B3GALT1: variants seen among roughly 807,000 people sequenced by gnomAD.
B3GALT1 encodes the protein UDP-Gal:betaGlcNAc beta 1,3-galactosyltransferase, polypeptide 1.
B3GALT1 carries 10 observed loss-of-function variants against 23.2 expected under a neutral mutation model. The observed-to-expected ratio is 0.43, with a 90% confidence interval of 0.27 to 0.73. The LOEUF is 0.73. Among genes scored for constraint, B3GALT1 ranks in the 30% least tolerant of loss-of-function variants. B3GALT1 has a pLI of 0.21. For missense variants in B3GALT1, 299 were observed against 405.4 expected, an observed-to-expected ratio of 0.74 and a Z score of 2.25; for synonymous variants, 156 against 141.5, an observed-to-expected ratio of 1.10 and a Z score of -0.73.
intron 3 of B3GALT1, among the ~76,000 whole-genome samples, chr2:167,667,694 A>G (rs867778339): frequency 3.7e-4 from 57 of 152,202 alleles, no homozygotes; most frequent in African/African-American, 1.2e-3. Flanking sequence ...GCTTCATTTC[A>G]TTCATTTCAT....
intron 3 of B3GALT1, among the ~76,000 whole-genome samples, chr2:167,685,059 C>T (rs1323957255): frequency 6.6e-6 from 1 of 152,142 alleles, no homozygotes; most frequent in African/African-American, 2.4e-5. Flanking sequence ...TCAGATTGTA[C>T]AAGAGTCTAA....
At chr2:167,340,313 G>GAAA (rs773710953) in intron 1 of B3GALT1, among the ~76,000 whole-genome samples, 1 of 87,364 alleles carries the variant, frequency 1.1e-5, no homozygotes, top group African/African-American at 4.3e-5. Context: ...GGTACAGGGA[G>GAAA]AAAAAAAAAA....
intron 3 of B3GALT1, among the ~76,000 whole-genome samples, chr2:167,690,829 G>A (rs4667963): frequency 0.22 from 33,219 of 151,946 alleles, 4,332 homozygotes; most frequent in Admixed American, 0.29. Flanking sequence ...GCTTTGCTTT[G>A]CCAATTTTCA....
At position 167,653,259 on chromosome 2, in the gene B3GALT1, A is replaced by G. The variant is rs560156044; in HGVS notation, c.-352+6293A>G. On this transcript the variant is annotated intron_variant, in intron 3 of 4. Transcript: ENST00000392690. Reference sequence around the variant, plus strand: ...AAAAGGTCTGAAGAAATTAGGATTCAAAACAGCAGGCAGCTACCCAATTGT... The same window carrying G: ...AAAAGGTCTGAAGAAATTAGGATTCGAAACAGCAGGCAGCTACCCAATTGT... Among the ~76,000 whole-genome samples, 40 of 152,322 alleles carry G rather than the reference A, an allele frequency of 2.6e-4. No homozygotes were observed. In the Middle Eastern group the frequency reaches 0.01, roughly 39 times the overall value.
intron 3 of B3GALT1, among the ~76,000 whole-genome samples, chr2:167,775,337 G>A (rs913085245): frequency 2.6e-5 from 4 of 152,144 alleles, no homozygotes; most frequent in African/African-American, 9.7e-5. Context: ...TTGGGAGGCC[G>A]AGGTGGGTGG....
At chr2:167,826,548 C>G (rs1336796610) in intron 4 of B3GALT1, among the ~76,000 whole-genome samples, 1 of 151,992 alleles carries the variant, frequency 6.6e-6, no homozygotes, top group East Asian at 1.9e-4. Context: ...TAGAAGACAC[C>G]CTGTCAGGAA....
chr2:167,734,883 T>G (rs1558962940), intron 3 of B3GALT1, among the ~76,000 whole-genome samples: 1 of 152,212 alleles, frequency 6.6e-6, no homozygotes. Flanking sequence ...CTTTGCTTGA[T>G]TTCCAACTAT....
chr2:167,470,189 T>C (rs1164407891), intron 1 of B3GALT1, among the ~76,000 whole-genome samples: 2 of 152,146 alleles, frequency 1.3e-5, no homozygotes, highest in Non-Finnish European at 2.9e-5. Context: ...TTGATGCCAT[T>C]AATTTAATAA....
intron 3 of B3GALT1, among the ~76,000 whole-genome samples, chr2:167,774,486 T>G (rs201300410): frequency 1.6e-4 from 10 of 64,208 alleles, no homozygotes; most frequent in African/African-American, 2.7e-4. Context: ...TTTTTTTTTG[T>G]TTTTTTTTTT....
At chr2:167,864,279 G>C (rs986485843) in intron 4 of B3GALT1, among the ~76,000 whole-genome samples, 1 of 152,228 alleles carries the variant, frequency 6.6e-6, no homozygotes, top group Non-Finnish European at 1.5e-5. Flanking sequence ...GAGGACAGGA[G>C]TGGTGGCTCA....
chr2:167,399,668 C>A (rs1698155936), intron 1 of B3GALT1, among the ~76,000 whole-genome samples: 1 of 151,916 alleles, frequency 6.6e-6, no homozygotes, highest in African/African-American at 2.4e-5. Context: ...ATAGCAAATC[C>A]CCTTTGCTCC....
chr2:167,772,295 A>G lies in B3GALT1; in HGVS notation c.-351-46377A>G, dbSNP rs2105309753. ...CGATATTTTCCCTAGTAATAATGCT[A>G]TTTATTAAGTGCATGCTCAATGCCA... On this transcript the variant is annotated intron_variant, in intron 3 of 4. Coordinates refer to ENST00000392690, the MANE Select transcript of B3GALT1 (RefSeq NM_020981.4). Among the ~76,000 whole-genome samples the G allele has an allele frequency of 1.3e-5, 2 of 152,276 alleles. 1 individual carries two copies. The highest frequency in any genetic ancestry group is 4.1e-4 in the South Asian group (2 of 4,826).
At chr2:167,374,320 A>AC (rs1427842308) in intron 1 of B3GALT1, among the ~76,000 whole-genome samples, 5 of 152,178 alleles carry the variant, frequency 3.3e-5, no homozygotes, top group South Asian at 2.1e-4. Flanking sequence ...TCTGCGATGA[A>AC]CATGCAAGTG....
chr2:167,442,546 T>A (rs895792188), intron 1 of B3GALT1, among the ~76,000 whole-genome samples: 1 of 151,746 alleles, frequency 6.6e-6, no homozygotes, highest in Non-Finnish European at 1.5e-5. Flanking sequence ...ACCTGTTGTT[T>A]CCTGACTTTT....
intron 3 of B3GALT1, among the ~76,000 whole-genome samples, chr2:167,781,713 T>TG (rs1486406083): frequency 1.3e-5 from 2 of 151,576 alleles, no homozygotes; most frequent in Non-Finnish European, 2.9e-5. Context: ...TGGTTGGAGG[T>TG]GGGGGGTGTT....
At chr2:167,842,231 C>A (rs962817019) in intron 4 of B3GALT1, among the ~76,000 whole-genome samples, 1 of 152,264 alleles carries the variant, frequency 6.6e-6, no homozygotes, top group Middle Eastern at 3.4e-3. Flanking sequence ...AGTTTAAAAT[C>A]CTAGAGAGAA....
chr2:167,837,474 T>C (rs556318221), intron 4 of B3GALT1, among the ~76,000 whole-genome samples: 2 of 151,618 alleles, frequency 1.3e-5, no homozygotes, highest in Admixed American at 6.6e-5. Flanking sequence ...CAAGAAGAGC[T>C]AACTATCCTA....
chr2:167,810,059 C>G (rs573339241), intron 3 of B3GALT1, among the ~76,000 whole-genome samples: 1 of 151,638 alleles, frequency 6.6e-6, no homozygotes, highest in East Asian at 1.9e-4. Context: ...GAGTGAGGCT[C>G]TGTGGGCGTA....
chr2:167,578,682 T>A (rs1276934594), intron 2 of B3GALT1, among the ~76,000 whole-genome samples: 3 of 151,992 alleles, frequency 2.0e-5, no homozygotes, highest in African/African-American at 7.2e-5. Flanking sequence ...CTTAAAATCA[T>A]AACAGATGTC....
Sources: gnomAD v4.1 joint callset for allele counts (sites outside exome capture counted in the v4.1 genomes callset) on GRCh38, gnomAD v4.1.1 for gene constraint, MANE v1.5 for transcripts, NCBI Gene and HGNC (gene_info 2026-07-23, HGNC 2026-07-21) for gene names.